Variants in CDH13 observed in about 807,000 individuals in gnomAD.
CDH13 encodes cadherin 13.
Under a neutral mutation model 63.8 loss-of-function variants are expected in CDH13, and 24 were observed. The ratio of observed to expected loss-of-function variants is 0.38; its 90% CI spans 0.27 to 0.53. The LOEUF (loss-of-function observed/expected upper bound fraction) is 0.53. Among genes scored for constraint, CDH13 ranks in the 20% least tolerant of loss-of-function variants. The pLI is 0.85. For synonymous variants in CDH13, 503 were observed against 355.3 expected, an observed-to-expected ratio of 1.42 and a Z score of -4.67; for missense variants, 1,049 against 903.1, an observed-to-expected ratio of 1.16 and a Z score of -2.07.
chr16:83,623,704 C>G (rs571121569), intron 8 of CDH13, among the ~76,000 whole-genome samples: 11 of 152,296 alleles, frequency 7.2e-5, no homozygotes, highest in African/African-American at 2.4e-4. Context: ...ACGCACTGGC[C>G]TCTCACATCA....
intron 1 of CDH13, among the ~76,000 whole-genome samples, chr16:82,807,448 A>C (rs117742824): frequency 0.031 from 4,667 of 152,260 alleles, 114 homozygotes; most frequent in Non-Finnish European, 0.048. Context: ...ACAATAGAGG[A>C]TTCCAAGATC....
At chr16:82,927,337 A>G (rs1192323937) in intron 2 of CDH13, among the ~76,000 whole-genome samples, 1 of 152,186 alleles carries the variant, frequency 6.6e-6, no homozygotes, top group Non-Finnish European at 1.5e-5. Flanking sequence ...TTGCATCGTG[A>G]GCATGAGAGA....
intron 2 of CDH13, among the ~76,000 whole-genome samples, chr16:82,912,067 T>A (rs2041848796): frequency 6.6e-6 from 1 of 152,018 alleles, no homozygotes; most frequent in South Asian, 2.1e-4. Context: ...CGGCCGCCCC[T>A]GCCGTCTCTT....
At chr16:83,384,001 C>T (rs12050930) in intron 6 of CDH13, among the ~76,000 whole-genome samples, 115,584 of 152,002 alleles carry the variant, frequency 0.76, 46,578 homozygotes, top group South Asian at 0.92. Flanking sequence ...TATGGGTGTA[C>T]ACATATATAC....
intron 2 of CDH13, among the ~76,000 whole-genome samples, chr16:82,957,383 G>A (rs1442981610): frequency 1.3e-5 from 2 of 152,160 alleles, no homozygotes; most frequent in Non-Finnish European, 2.9e-5. Flanking sequence ...AGGGTTGTGG[G>A]CACTGGAATC....
chr16:83,335,493 C>T (rs568290875), intron 5 of CDH13, among the ~76,000 whole-genome samples: 2 of 152,176 alleles, frequency 1.3e-5, no homozygotes, highest in East Asian at 1.9e-4. Flanking sequence ...ATGTAGTGAG[C>T]TTCTGATGAT....
At chr16:82,645,958 G>A (rs1910044360) in intron 1 of CDH13, among the ~76,000 whole-genome samples, 1 of 152,198 alleles carries the variant, frequency 6.6e-6, no homozygotes, top group Non-Finnish European at 1.5e-5. Flanking sequence ...TAAACTTTTG[G>A]GGGTTATCTG....
At chr16:82,633,815 C>T (rs1255348629) in intron 1 of CDH13, among the ~76,000 whole-genome samples, 3 of 152,218 alleles carry the variant, frequency 2.0e-5, no homozygotes, top group Non-Finnish European at 4.4e-5. Context: ...TGCTCTCTGG[C>T]TCTGTAAATA....
At chr16:82,900,539 G>A (rs549052617) in intron 2 of CDH13, among the ~76,000 whole-genome samples, 3 of 152,148 alleles carry the variant, frequency 2.0e-5, no homozygotes, top group East Asian at 1.9e-4. Context: ...ATTGAGAAAA[G>A]GATTTCTATT....
intron 1 of CDH13, among the ~76,000 whole-genome samples, chr16:82,795,655 C>G (rs1165576737): frequency 1.3e-5 from 2 of 152,182 alleles, no homozygotes; most frequent in Non-Finnish European, 2.9e-5. Flanking sequence ...AGTAGGGGGA[C>G]AGAGACCTGC....
In CDH13 at chr16:83,565,768, C is replaced by A. The variant is rs369054201; in HGVS notation, c.961-36686C>A. Among the ~76,000 whole-genome samples, 6 of 152,020 alleles carry A rather than the reference C, an allele frequency of 3.9e-5. No homozygotes were observed. The East Asian group carries it at 1.2e-3, about 29-fold the overall frequency. On this transcript the variant is annotated intron_variant, in intron 7 of 13. Coordinates refer to ENST00000567109, the MANE Select transcript of CDH13 (RefSeq NM_001257.5). ...ATTTATTATTTTCTGATAAGTTATT[C>A]TTTTGTGATAACTGATTTATTCTTT...
chr16:82,847,260 G>C (rs74403677), intron 1 of CDH13, among the ~76,000 whole-genome samples: 2 of 152,116 alleles, frequency 1.3e-5, no homozygotes, highest in South Asian at 4.1e-4. Context: ...AATTTAAAAC[G>C]AACATAGTAT....
intron 3 of CDH13, among the ~76,000 whole-genome samples, chr16:83,096,798 C>T (rs1597328479): frequency 1.3e-5 from 2 of 152,204 alleles, no homozygotes; most frequent in African/African-American, 4.8e-5. Context: ...AGATTGAATG[C>T]TATTGTTCAG....
intron 6 of CDH13, among the ~76,000 whole-genome samples, chr16:83,386,201 A>G (rs576069742): frequency 1.1e-4 from 17 of 152,344 alleles, no homozygotes; most frequent in African/African-American, 3.8e-4. Context: ...AATCTTCACT[A>G]TGACAAGAAT....
At chr16:83,767,287 G>C (rs28459275) in intron 11 of CDH13, among the ~76,000 whole-genome samples, 33,088 of 151,874 alleles carry the variant, frequency 0.22, 4,364 homozygotes, top group African/African-American at 0.37. Flanking sequence ...CAAGTGTCGA[G>C]GGTGGGGCCA....
At chr16:82,961,354 G>C (rs1906958798) in intron 2 of CDH13, among the ~76,000 whole-genome samples, 1 of 152,114 alleles carries the variant, frequency 6.6e-6, no homozygotes, top group African/African-American at 2.4e-5. Flanking sequence ...TATGGTTCTG[G>C]GGAAATGGAG....
intron 2 of CDH13, among the ~76,000 whole-genome samples, chr16:82,959,913 A>G (rs1343097087): frequency 6.6e-6 from 1 of 152,188 alleles, no homozygotes; most frequent in African/African-American, 2.4e-5. Context: ...ATTCTCTGAG[A>G]TGAATTCGCC....
intron 1 of CDH13, among the ~76,000 whole-genome samples, chr16:82,821,959 C>T (rs894547554): frequency 2.6e-5 from 4 of 152,170 alleles, no homozygotes; most frequent in South Asian, 2.1e-4. Flanking sequence ...GAACCAGGTT[C>T]CTCACTGACT....
intron 4 of CDH13, among the ~76,000 whole-genome samples, chr16:83,137,561 A>C (rs1262578999): frequency 6.6e-6 from 1 of 152,206 alleles, no homozygotes; most frequent in Admixed American, 6.5e-5. Context: ...GCTTCAGACA[A>C]CGCTTTTTTT....
Sources: gnomAD v4.1 joint callset for allele counts (sites outside exome capture counted in the v4.1 genomes callset) on GRCh38, gnomAD v4.1.1 for gene constraint, MANE v1.5 for transcripts, NCBI Gene and HGNC (gene_info 2026-07-23, HGNC 2026-07-21) for gene names.